Variants in PLXNA2 observed in about 807,000 individuals in gnomAD.
The protein encoded by PLXNA2 is plexin-A2.
PLXNA2 carries 91 observed loss-of-function variants against 193.5 expected under a neutral mutation model. The observed-to-expected ratio is 0.47, with a 90% CI of 0.40 to 0.56. The LOEUF is 0.56. PLXNA2 is among the 20% of genes least tolerant of loss of function. PLXNA2 has a pLI of 0.00. For missense variants in PLXNA2, 1,995 were observed against 2,503.2 expected, an observed-to-expected ratio of 0.80 and a Z score of 4.33; for synonymous variants, 997 against 1,027.3, an observed-to-expected ratio of 0.97 and a Z score of 0.56.
chr1:208,228,104 C>T (rs985973970), intron 1 of PLXNA2, among the ~76,000 whole-genome samples: 35 of 152,188 alleles, frequency 2.3e-4, no homozygotes, highest in African/African-American at 8.4e-4. Context: ...AAGCTGTCCA[C>T]ATCTTTTTCT....
At chr1:208,047,425 C>G (rs968709403) in intron 17 of PLXNA2, among the ~76,000 whole-genome samples, 1 of 107,140 alleles carries the variant, frequency 9.3e-6, no homozygotes, top group Middle Eastern at 4.7e-3. Context: ...TCCAGTCCCT[C>G]CTTAGCATGA....
At chr1:208,240,914 C>T (rs374824113) in intron 1 of PLXNA2, among the ~76,000 whole-genome samples, 3 of 151,998 alleles carry the variant, frequency 2.0e-5, no homozygotes, top group Non-Finnish European at 4.4e-5. Flanking sequence ...CTGCTGGAGA[C>T]AGGAATTGCC....
Position 208,044,782 on chromosome 1 carries a change from A to G in PLXNA2, c.3640-40T>C. Reference sequence around the variant, plus strand: ...CATACAGACGCACATGGATGCACACAGGTGTAGAGCCCGGGCATGCCAGCA... The same window carrying G: ...CATACAGACGCACATGGATGCACACGGGTGTAGAGCCCGGGCATGCCAGCA... On this transcript the variant is annotated intron_variant, in intron 19 of 31. Coordinates refer to ENST00000367033, the MANE Select transcript of PLXNA2 (RefSeq NM_025179.4). The surrounding 1 kb of genome is among the most constrained non-coding windows in gnomAD (Gnocchi z 4.9). The G allele has an allele frequency of 2.7e-6, 4 of 1,497,858 alleles. No individual in the cohort carries two copies. Among genetic ancestry groups the G allele is most frequent in the Non-Finnish European group, 3.7e-6 (4 of 1,082,954 alleles). 92.8% of individuals were successfully genotyped at this position (1,497,858 alleles called of 1,614,324 possible).
At chr1:208,153,416 T>A (rs1054514254) in intron 3 of PLXNA2, among the ~76,000 whole-genome samples, 4 of 152,096 alleles carry the variant, frequency 2.6e-5, no homozygotes, top group Admixed American at 6.5e-5. Flanking sequence ...TGTTTTTCCA[T>A]CACTAGAGAA....
rs192261531 is a variant in PLXNA2 at position 208,034,067 on chromosome 1, C to T, written c.4864+426G>A. Among the ~76,000 whole-genome samples the T allele has an allele frequency of 5.1e-3, 772 of 152,302 alleles. 2 individuals carry two copies. The highest frequency in any genetic ancestry group is 8.9e-3 in the Admixed American group (136 of 15,302). On this transcript the variant is annotated intron_variant, in intron 27 of 31. Coordinates refer to ENST00000367033, the MANE Select transcript of PLXNA2 (RefSeq NM_025179.4). ...AAGGAGGTGCCATAACCTCATTGCC[C>T]GGAGGGCCTGGGGGCCCCAGTACTC...
chr1:208,239,119 C>T (rs1381916749), intron 1 of PLXNA2, among the ~76,000 whole-genome samples: 2 of 150,520 alleles, frequency 1.3e-5, no homozygotes, highest in African/African-American at 2.5e-5. Context: ...CTGGGAGTTT[C>T]GAATATATCT....
chr1:208,045,878 C>T lies in PLXNA2; in HGVS notation c.3495G>A (p.Lys1165=). The part of the protein sequence containing the change: ...DQKPGSPIIL[K]GKNLCPPASG... ...ACTGCCCTCTGGCGGGCACTCCTAC[C>T]TTCAGAATGATGGGCGATCCTGGCT... The change falls in exon 18 of 32, where the codon AAG becomes AAA. Residue 1165 remains lysine, a splice_region_variant and synonymous_variant. Coordinates refer to ENST00000367033, the MANE Select transcript of PLXNA2 (RefSeq NM_025179.4). 1 of 1,614,236 alleles carries T rather than the reference C, an allele frequency of 6.2e-7. No individual in the cohort carries two copies. The highest frequency in any genetic ancestry group is 8.5e-7 in the Non-Finnish European group (1 of 1,180,034).
intron 3 of PLXNA2, among the ~76,000 whole-genome samples, chr1:208,202,756 C>T (rs182449211): frequency 9.9e-5 from 15 of 152,280 alleles, no homozygotes; most frequent in Non-Finnish European, 1.6e-4. Context: ...TGAATCATTA[C>T]GCCCATCCCA....
At chr1:208,200,106 A>G (rs952476350) in intron 3 of PLXNA2, among the ~76,000 whole-genome samples, 3 of 152,208 alleles carry the variant, frequency 2.0e-5, no homozygotes, top group African/African-American at 7.2e-5. Context: ...GCTGGGGGAC[A>G]CTCAGCCTTT....
chr1:208,204,347 T>C (rs1670648236), intron 3 of PLXNA2, among the ~76,000 whole-genome samples: 2 of 152,212 alleles, frequency 1.3e-5, no homozygotes, highest in Non-Finnish European at 2.9e-5. Context: ...CTGTCTGTAC[T>C]ATTCTGGGGC....
At chr1:208,041,562 C>T (rs1317168308) in intron 22 of PLXNA2, among the ~76,000 whole-genome samples, 1 of 152,184 alleles carries the variant, frequency 6.6e-6, no homozygotes, top group African/African-American at 2.4e-5. Flanking sequence ...TCTGTGCGGT[C>T]CCGTATGGTG....
At chr1:208,129,625 C>T (rs1035826882) in intron 4 of PLXNA2, among the ~76,000 whole-genome samples, 1 of 152,168 alleles carries the variant, frequency 6.6e-6, no homozygotes, top group Non-Finnish European at 1.5e-5. Context: ...CTTTTTTATT[C>T]CACTGGGTGA....
At chr1:208,110,986 C>T (rs185500063) in intron 4 of PLXNA2, among the ~76,000 whole-genome samples, 2 of 152,300 alleles carry the variant, frequency 1.3e-5, no homozygotes, top group Admixed American at 6.5e-5. Context: ...AATCAGGAGC[C>T]AGACAGCAAG....
chr1:208,097,152 C>T (rs1002086386), intron 6 of PLXNA2, among the ~76,000 whole-genome samples: 1 of 152,092 alleles, frequency 6.6e-6, no homozygotes, highest in African/African-American at 2.4e-5. Flanking sequence ...GGGGTGGGGG[C>T]GCTAGAGGGA....
intron 3 of PLXNA2, among the ~76,000 whole-genome samples, chr1:208,192,749 T>G (rs990287202): frequency 6.6e-6 from 1 of 152,002 alleles, no homozygotes; most frequent in Non-Finnish European, 1.5e-5. Flanking sequence ...TAGCCAGGCA[T>G]GGTGATGCAT....
At chr1:208,197,036 G>C (rs1271582913) in intron 3 of PLXNA2, among the ~76,000 whole-genome samples, 1 of 152,152 alleles carries the variant, frequency 6.6e-6, no homozygotes, top group Non-Finnish European at 1.5e-5. Context: ...CCTTTTTAAA[G>C]ACAAGAACTC....
In PLXNA2 at chr1:208,226,307, G is replaced by A. The variant is rs527605770; in HGVS notation, c.-80-8305C>T. Among the ~76,000 whole-genome samples, 3 of 152,102 alleles carry A rather than the reference G, an allele frequency of 2.0e-5. No individual in the cohort carries two copies. In the East Asian group the frequency reaches 5.8e-4, roughly 29 times the overall value. ...GGCTCCTCCTCCAGGCACAAGCCCT[G>A]TCCTGGGACTGCTTTTAACGTCAGG... On this transcript the variant is annotated intron_variant, in intron 1 of 31. Transcript: ENST00000367033.
At chr1:208,103,328 T>A in intron 4 of PLXNA2, 81 bp from the exon 5 acceptor site, 1 of 1,081,584 alleles carries the variant, frequency 9.2e-7, no homozygotes, top group Non-Finnish European at 1.4e-6. Context: ...CTGTGTGTAC[T>A]CACACTTGCA....
intron 9 of PLXNA2, among the ~76,000 whole-genome samples, chr1:208,087,950 C>T (rs1008802621): frequency 6.6e-6 from 1 of 152,182 alleles, no homozygotes; most frequent in South Asian, 2.1e-4. Context: ...CATACACATA[C>T]AGTACCTGTC....
Sources: gnomAD v4.1 joint callset for allele counts (sites outside exome capture counted in the v4.1 genomes callset) on GRCh38, gnomAD v4.1.1 for gene constraint, Gnocchi (gnomAD v3.1) non-coding constraint, MANE v1.5 for transcripts, NCBI Gene and HGNC (gene_info 2026-07-23, HGNC 2026-07-21) for gene names.